Variants in MDGA1 observed in about 807,000 individuals in gnomAD.
MDGA1 encodes the protein MAM domain containing glycosylphosphatidylinositol anchor 1, also known as MAM domain-containing glycosylphosphatidylinositol anchor protein 1.
MDGA1 carries 54 observed loss-of-function variants against 101.5 expected under a neutral mutation model. The observed-to-expected ratio is 0.53, with a 90% CI of 0.43 to 0.67. The LOEUF (loss-of-function observed/expected upper bound fraction) is 0.67. Among genes scored for constraint, MDGA1 ranks in the 30% least tolerant of loss-of-function variants. MDGA1 has a pLI of 0.00. For synonymous variants in MDGA1, 533 were observed against 558.3 expected (o/e 0.95, Z 0.64); for missense variants, 1,083 against 1,323.8 (o/e 0.82, Z 2.82).
At chr6:37,653,224 C>G (rs1032970387) in intron 6 of MDGA1, among the ~76,000 whole-genome samples, 35 of 152,170 alleles carry the variant, frequency 2.3e-4, no homozygotes, top group African/African-American at 8.2e-4. Context: ...TCTTACCAAC[C>G]CAGGCTTAAA....
Position 37,645,841 on chromosome 6 carries a change from A to C in MDGA1, c.2248+92T>G. The stretch of plus-strand genomic sequence containing the variant: ...GGGGGAATTCATTTTCTCTCTGACT[A>C]TCTCAAGGATAGCCTATCTCCTTTC... On this transcript the variant is annotated intron_variant, in intron 12 of 16. Coordinates refer to ENST00000434837, the MANE Select transcript of MDGA1 (RefSeq NM_153487.4). The C allele has an allele frequency of 4.9e-6, 7 of 1,436,102 alleles. No individual in the cohort carries two copies. In the South Asian group the frequency reaches 8.2e-5, roughly 17 times the overall value. The allele number at this position is 1,436,102 out of a possible 1,614,324, so 89.0% of individuals were successfully genotyped here. A position where few individuals can be genotyped will look rare whatever the true frequency, so the allele number is the denominator to read the frequency against.
Position 37,649,277 on chromosome 6 carries a change from G to T in MDGA1, c.1610-11C>A. ...CCACCTCCGGCGGGACTGGGGGCGG[G>T]AGCGGCGGTCAGCGGGGCCTCTCCC... On this transcript the variant is annotated splice_polypyrimidine_tract_variant and intron_variant, in intron 8 of 16. Transcript: ENST00000434837. The T allele has an allele frequency of 6.8e-7, 1 of 1,479,782 alleles. No individual in the cohort carries two copies. The highest frequency in any genetic ancestry group is 1.3e-5 in the South Asian group (1 of 76,160). 91.7% of individuals were successfully genotyped at this position (1,479,782 alleles called of 1,614,324 possible).
At position 37,649,064 on chromosome 6, in the gene MDGA1, G is replaced by A. The variant is rs1405999677; in HGVS notation, c.1812C>T (p.Ala604=). 6.5e-7 allele frequency: 1 copy of A among 1,542,638 alleles called. No individual in the cohort carries two copies. The highest frequency in any genetic ancestry group is 8.7e-7 in the Non-Finnish European group (1 of 1,144,824). Residue 604 remains alanine, a synonymous_variant, in exon 9 of 17, where the codon GCC becomes GCT. Coordinates refer to ENST00000434837, the MANE Select transcript of MDGA1 (RefSeq NM_153487.4). ...APDHAELRLD[A]VTRDSSGSYE... is the part of the protein sequence containing the mutation. ...AGCTGCCGCTGCTGTCGCGAGTTAC[G>A]GCGTCGAGGCGCAGCTCCGCGTGAT...
chr6:37,681,051 G>A (rs1762086976), intron 1 of MDGA1, among the ~76,000 whole-genome samples: 3 of 152,294 alleles, frequency 2.0e-5, no homozygotes, highest in South Asian at 4.1e-4. Flanking sequence ...GCTGGCATGG[G>A]GGGTTAAGGG....
chr6:37,648,597 T>A, intron 9 of MDGA1: 1 of 274,042 alleles, frequency 3.6e-6, no homozygotes. Context: ...CCTAGGCCTG[T>A]GGGAAGGCTA....
At chr6:37,658,625 A>G (rs1209372830) in intron 2 of MDGA1, among the ~76,000 whole-genome samples, 1 of 152,190 alleles carries the variant, frequency 6.6e-6, no homozygotes, top group Non-Finnish European at 1.5e-5. Flanking sequence ...GAGCTGGGGA[A>G]TCCGGGATCA....
rs370137745 is a variant in MDGA1 at position 37,636,297 on chromosome 6, T to G, written c.*1071A>C. On this transcript the variant is annotated 3_prime_UTR_variant, in exon 17 of 17. Coordinates refer to ENST00000434837, the MANE Select transcript of MDGA1 (RefSeq NM_153487.4). ...TAAGCCCCTCCTCCTTCACTGCCCCTGGGTGGAGAAGGGAACTTTCAACTA... is the reference window on the plus strand; with the variant it reads ...TAAGCCCCTCCTCCTTCACTGCCCCGGGGTGGAGAAGGGAACTTTCAACTA... 3.9e-5 allele frequency: 6 copies of G among 152,436 alleles called. No individual in the cohort carries two copies. Among genetic ancestry groups the G allele is most frequent in the African/African-American group, 1.2e-4 (5 of 41,476 alleles). 9.4% of individuals were successfully genotyped at this position (152,436 alleles called of 1,614,324 possible).
Position 37,631,821 on chromosome 6 carries a change from G to C in MDGA1, c.*5547C>G, listed in dbSNP as rs1197874093. 6.6e-6 allele frequency: 1 copy of C among 152,270 alleles called. No individual in the cohort carries two copies. Among genetic ancestry groups the C allele is most frequent in the Non-Finnish European group, 1.5e-5 (1 of 68,044 alleles). 9.4% of individuals were successfully genotyped at this position (152,270 alleles called of 1,614,324 possible). ...CTTAGGGCAAGGATGCAGCTAGCTGGTGGTGAATAAGGGAGGCAGCCCCAA... is the reference window on the plus strand; with the variant it reads ...CTTAGGGCAAGGATGCAGCTAGCTGCTGGTGAATAAGGGAGGCAGCCCCAA... On this transcript the variant is annotated 3_prime_UTR_variant, in exon 17 of 17. Coordinates refer to ENST00000434837, the MANE Select transcript of MDGA1 (RefSeq NM_153487.4).
intron 1 of MDGA1, among the ~76,000 whole-genome samples, chr6:37,679,366 G>C (rs1478416153): frequency 6.6e-6 from 1 of 152,148 alleles, no homozygotes; most frequent in Admixed American, 6.5e-5. Flanking sequence ...GCTGCCCCTT[G>C]GGAGGAAAAT....
rs1762452388 is a variant in MDGA1 at position 37,697,785 on chromosome 6, C to A, written c.-974G>T. On this transcript the variant is annotated 5_prime_UTR_variant, in exon 1 of 17. Coordinates refer to ENST00000434837, the MANE Select transcript of MDGA1 (RefSeq NM_153487.4). Reference sequence around the variant, plus strand: ...CCCGGCGGCCTTGGCCTGCGGGGGCCCAGAGCGGGCGGGGCCGGGCCGGGC... The same window carrying A: ...CCCGGCGGCCTTGGCCTGCGGGGGCACAGAGCGGGCGGGGCCGGGCCGGGC... 2 of 149,174 alleles carry A rather than the reference C, an allele frequency of 1.3e-5. No individual in the cohort carries two copies. The highest frequency in any genetic ancestry group is 6.7e-5 in the Admixed American group (1 of 15,036). The allele number at this position is 149,174 out of a possible 1,614,324, so 9.2% of individuals were successfully genotyped here. A position where few individuals can be genotyped will look rare whatever the true frequency, so the allele number is the denominator to read the frequency against.
intron 1 of MDGA1, among the ~76,000 whole-genome samples, chr6:37,667,134 G>A (rs2114060397): frequency 6.6e-6 from 1 of 152,320 alleles, no homozygotes; most frequent in African/African-American, 2.4e-5. Flanking sequence ...CCACAGAGGT[G>A]GCCCGGCAGC....
At chr6:37,642,360 C>T (rs528013551) in intron 14 of MDGA1, among the ~76,000 whole-genome samples, 300 of 151,858 alleles carry the variant, frequency 2.0e-3, no homozygotes, top group African/African-American at 6.7e-3. Flanking sequence ...TTAGTAGAGA[C>T]GAGGTTTCGC....
rs1387762946 is a variant in MDGA1, at chr6:37,635,716, C to T, written c.*1652G>A. 5.0e-6 allele frequency: 2 copies of T among 398,570 alleles called. No individual in the cohort carries two copies. The highest frequency in any genetic ancestry group is 2.1e-5 in the African/African-American group (1 of 48,632). The allele number at this position is 398,570 out of a possible 1,614,324, so 24.7% of individuals were successfully genotyped here. A position where few individuals can be genotyped will look rare whatever the true frequency, so the allele number is the denominator to read the frequency against. Reference sequence around the variant, plus strand: ...CCAGAAGGAGCCCTGTGATGCTCCTCACCAAAGGTGCTTGCATTCAATAGG... The same window carrying T: ...CCAGAAGGAGCCCTGTGATGCTCCTTACCAAAGGTGCTTGCATTCAATAGG... On this transcript the variant is annotated 3_prime_UTR_variant, in exon 17 of 17. Coordinates refer to ENST00000434837, the MANE Select transcript of MDGA1 (RefSeq NM_153487.4).
At position 37,635,233 on chromosome 6, in the gene MDGA1, G is replaced by C. The variant is rs191106117; in HGVS notation, c.*2135C>G. The stretch of plus-strand genomic sequence containing the variant: ...GGTTCTATTCTGCAGGCAAGGCCAG[G>C]AACCACTGATTACAGAATCCATTCC... On this transcript the variant is annotated 3_prime_UTR_variant, in exon 17 of 17. Transcript: ENST00000434837. 7.8e-6 allele frequency: 3 copies of C among 386,742 alleles called. No individual in the cohort carries two copies. Among genetic ancestry groups the C allele is most frequent in the African/African-American group, 6.2e-5 (3 of 48,448 alleles). The allele number at this position is 386,742 out of a possible 1,614,324, so 24.0% of individuals were successfully genotyped here. A position where few individuals can be genotyped will look rare whatever the true frequency, so the allele number is the denominator to read the frequency against.
intron 9 of MDGA1, chr6:37,648,653 G>C (rs1761273114): frequency 2.5e-6 from 1 of 400,454 alleles, no homozygotes; most frequent in South Asian, 5.2e-5. Flanking sequence ...AGCGGGCTGA[G>C]CTGTAATGGG....
At chr6:37,639,431 C>T (rs1764011796) in intron 14 of MDGA1, 1 of 152,334 alleles carries the variant, frequency 6.6e-6, no homozygotes, top group Admixed American at 6.5e-5. Flanking sequence ...CCCCTGTCTC[C>T]AATCATGTTA....
At chr6:37,653,132 G>A (rs755764382) in intron 6 of MDGA1, among the ~76,000 whole-genome samples, 1 of 152,202 alleles carries the variant, frequency 6.6e-6, no homozygotes, top group Non-Finnish European at 1.5e-5. Context: ...GGCACAACAG[G>A]CACAAGTCAG....
rs561100205 is a variant in MDGA1, at chr6:37,637,245, C to T, written c.*123G>A. 4 of 700,370 alleles carry T rather than the reference C, an allele frequency of 5.7e-6. No individual in the cohort carries two copies. Among genetic ancestry groups the T allele is most frequent in the African/African-American group, 3.5e-5 (2 of 56,410 alleles). The allele number at this position is 700,370 out of a possible 1,614,324, so 43.4% of individuals were successfully genotyped here. On this transcript the variant is annotated 3_prime_UTR_variant, in exon 17 of 17. Coordinates refer to ENST00000434837, the MANE Select transcript of MDGA1 (RefSeq NM_153487.4). The stretch of plus-strand genomic sequence containing the variant: ...TGCTCATCCTTGCAGCCAATGCAGG[C>T]CCCCTCCCTGGCGGGCCGGCCCTGC...
In MDGA1 at chr6:37,649,056, C is replaced by T; in HGVS notation, c.1820G>A (p.Arg607His). The T allele has an allele frequency of 6.5e-7, 1 of 1,543,162 alleles. No homozygotes were observed. The highest frequency in any genetic ancestry group is 2.5e-5 in the East Asian group (1 of 40,126). The change falls in exon 9 of 17, where the codon CGC becomes CAC. Residue 607 changes from arginine (R) to histidine (H), a missense_variant. Arg to His is a conservative substitution (Grantham distance 29). Coordinates refer to ENST00000434837, the MANE Select transcript of MDGA1 (RefSeq NM_153487.4). ...GCACTCGTAGCTGCCGCTGCTGTCGCGAGTTACGGCGTCGAGGCGCAGCTC... is the reference window on the plus strand; with the variant it reads ...GCACTCGTAGCTGCCGCTGCTGTCGTGAGTTACGGCGTCGAGGCGCAGCTC... ...HAELRLDAVT[R>H]DSSGSYECSV... is the part of the protein sequence containing the mutation.
Sources: allele counts gnomAD v4.1 joint callset (sites outside exome capture counted in the v4.1 genomes callset), GRCh38; gene constraint gnomAD v4.1.1; transcripts MANE v1.5; gene names NCBI Gene and HGNC (gene_info 2026-07-23, HGNC 2026-07-21).